The following TENM3 variants were observed in gnomAD, a reference collection of about 807,000 sequenced individuals.
TENM3 encodes the protein teneurin transmembrane protein 3, also known as teneurin-3.
Under a neutral mutation model 255.1 loss-of-function variants are expected in TENM3, and 63 were observed. The ratio of observed to expected loss-of-function variants is 0.25; its 90% CI spans 0.20 to 0.30. The LOEUF is 0.30. TENM3 is among the 10% of genes least tolerant of loss of function. The pLI, the probability that TENM3 is intolerant of heterozygous loss-of-function variation, is 1.00. For missense variants in TENM3, 2,929 were observed against 3,461.1 expected (o/e 0.85, Z 3.86); for synonymous variants, 1,306 against 1,322.3 (o/e 0.99, Z 0.27).
intron 12 of TENM3, among the ~76,000 whole-genome samples, chr4:182,694,433 C>G (rs1196896079): frequency 6.6e-6 from 1 of 151,948 alleles, no homozygotes; most frequent in African/African-American, 2.4e-5. Flanking sequence ...TTTTTAAAAT[C>G]GTGATGATGA....
the TENM3 span, among the ~76,000 whole-genome samples, chr4:181,534,548 T>G: frequency 1.3e-5 from 2 of 152,194 alleles, no homozygotes; most frequent in South Asian, 4.2e-4. Context: ...TTTCCTGTGA[T>G]GCCTGCTATG....
Position 182,660,086 on chromosome 4 carries a change from A to G in TENM3, c.1111+6193A>G, listed in dbSNP as rs188608504. ...TGCAAATATACAAAGGTGTAAACAT[A>G]CAATGGTGTATAGTACATAGTAAAT... On this transcript the variant is annotated intron_variant, in intron 6 of 27. Transcript: ENST00000511685. Among the ~76,000 whole-genome samples the G allele has an allele frequency of 3.9e-3, 587 of 152,216 alleles. 8 individuals carry two copies. The highest frequency in any genetic ancestry group is 0.014 in the African/African-American group (563 of 41,542).
At chr4:182,565,607 CA>C (rs1743703376) in intron 3 of TENM3, among the ~76,000 whole-genome samples, 1 of 152,160 alleles carries the variant, frequency 6.6e-6, no homozygotes, top group Non-Finnish European at 1.5e-5. Flanking sequence ...AGTATGTTTT[CA>C]AACTTTCTAT....
intron 1 of TENM3, among the ~76,000 whole-genome samples, chr4:182,285,879 C>A (rs1306520781): frequency 2.0e-5 from 3 of 152,062 alleles, no homozygotes; most frequent in African/African-American, 4.8e-5. Context: ...AGCCTTTAAA[C>A]AACTTGCAGA....
intron 22 of TENM3, among the ~76,000 whole-genome samples, chr4:182,767,068 C>T (rs1265779738): frequency 6.6e-6 from 1 of 152,150 alleles, no homozygotes; most frequent in East Asian, 1.9e-4. Context: ...TAGGCGACTG[C>T]TCTGTTTCCC....
the TENM3 span, among the ~76,000 whole-genome samples, chr4:182,098,702 G>A: frequency 5.3e-5 from 8 of 152,140 alleles, no homozygotes; most frequent in East Asian, 1.9e-4. Context: ...TAAGAAGGGG[G>A]TGGTTAATGG....
At chr4:182,284,341 G>A (rs907476048) in intron 1 of TENM3, among the ~76,000 whole-genome samples, 1 of 152,160 alleles carries the variant, frequency 6.6e-6, no homozygotes, top group Admixed American at 6.5e-5. Flanking sequence ...ATTCACAGAT[G>A]TTAATCTCTT....
the TENM3 span, among the ~76,000 whole-genome samples, chr4:181,705,398 A>C: frequency 1.3e-5 from 2 of 152,308 alleles, no homozygotes; most frequent in East Asian, 3.9e-4. Context: ...CCACTATGGA[A>C]CACTTGAAAG....
the TENM3 span, among the ~76,000 whole-genome samples, chr4:181,850,823 G>A: frequency 9.2e-5 from 14 of 152,144 alleles, no homozygotes; most frequent in African/African-American, 3.1e-4. Context: ...TTGAGACACA[G>A]CCCAAGTTAC....
intron 3 of TENM3, among the ~76,000 whole-genome samples, chr4:182,435,765 C>T (rs1414737255): frequency 6.6e-6 from 1 of 152,166 alleles, no homozygotes; most frequent in Non-Finnish European, 1.5e-5. Flanking sequence ...TATGTAGTTC[C>T]TGCCTCTGCA....
the TENM3 span, among the ~76,000 whole-genome samples, chr4:181,749,618 C>A: frequency 3.9e-5 from 6 of 152,076 alleles, no homozygotes; most frequent in Non-Finnish European, 7.4e-5. Flanking sequence ...AAGAAGATTT[C>A]TTTTTAAAGT....
chr4:182,516,110 T>C (rs1737914304), intron 3 of TENM3, among the ~76,000 whole-genome samples: 1 of 152,326 alleles, frequency 6.6e-6, no homozygotes, highest in African/African-American at 2.4e-5. Context: ...GAGAGTTGAC[T>C]AAAAATCCCC....
chr4:181,473,526 C>G, the TENM3 span, among the ~76,000 whole-genome samples: 1 of 151,630 alleles, frequency 6.6e-6, no homozygotes, highest in Middle Eastern at 3.2e-3. Flanking sequence ...CAGGAGGTTG[C>G]GGCTGCAGTG....
chr4:181,487,522 G>A, the TENM3 span, among the ~76,000 whole-genome samples: 1 of 152,090 alleles, frequency 6.6e-6, no homozygotes, highest in Admixed American at 6.6e-5. Flanking sequence ...TGGTGGAAGG[G>A]GCAAGAGGTC....
the TENM3 span, among the ~76,000 whole-genome samples, chr4:181,507,141 A>G: frequency 2.4e-4 from 37 of 152,182 alleles, no homozygotes; most frequent in Non-Finnish European, 3.8e-4. Flanking sequence ...CAGTTTTTCA[A>G]TGTATACTTG....
At chr4:181,764,256 AG>A in the TENM3 span, among the ~76,000 whole-genome samples, 1 of 5,688 alleles carries the variant, frequency 1.8e-4, no homozygotes, top group East Asian at 0.045. Context: ...ACAGGAGAAG[AG>A]AGAGATTTGT....
chr4:181,942,176 C>G, the TENM3 span, among the ~76,000 whole-genome samples: 2 of 152,046 alleles, frequency 1.3e-5, no homozygotes, highest in Non-Finnish European at 2.9e-5. Context: ...TGGTATTACC[C>G]AAAGGACTTT....
chr4:181,506,605 T>C, the TENM3 span, among the ~76,000 whole-genome samples: 1 of 151,606 alleles, frequency 6.6e-6, no homozygotes, highest in African/African-American at 2.4e-5. Context: ...CGGCCAGAAA[T>C]GGACATTCCC....
At chr4:182,566,401 C>T (rs1743797648) in intron 3 of TENM3, among the ~76,000 whole-genome samples, 1 of 152,106 alleles carries the variant, frequency 6.6e-6, no homozygotes, top group Non-Finnish European at 1.5e-5. Flanking sequence ...TTTTTGTAAA[C>T]ATGGAATAAA....
Sources: gnomAD v4.1 joint callset for allele counts (sites outside exome capture counted in the v4.1 genomes callset) on GRCh38, gnomAD v4.1.1 for gene constraint, MANE v1.5 for transcripts, NCBI Gene and HGNC (gene_info 2026-07-23, HGNC 2026-07-21) for gene names.